DYSF: variants seen among roughly 807,000 people sequenced by gnomAD.
DYSF encodes the protein dysferlin.
DYSF carries 212 observed loss-of-function variants against 274.9 expected under a neutral mutation model. The observed-to-expected ratio is 0.77, with a 90% CI of 0.69 to 0.86. DYSF has a LOEUF of 0.86. Among genes scored for constraint, DYSF ranks in the 40% least tolerant of loss-of-function variants. The pLI, the probability that DYSF is intolerant of heterozygous loss-of-function variation, is 0.00. For synonymous variants in DYSF, 1,091 were observed against 1,078.7 expected, an observed-to-expected ratio of 1.01 and a Z score of -0.22; for missense variants, 2,666 against 2,783.2, an observed-to-expected ratio of 0.96 and a Z score of 0.95.
At chr2:71,483,585 AG>A (rs1370679452) in intron 3 of DYSF, among the ~76,000 whole-genome samples, 2 of 152,016 alleles carry the variant, frequency 1.3e-5, no homozygotes, top group Non-Finnish European at 2.9e-5. Flanking sequence ...AAGAATTGAG[AG>A]GGGGGTCTCC....
chr2:71,497,786 C>A (rs75691600), intron 3 of DYSF, among the ~76,000 whole-genome samples: 5,723 of 152,286 alleles, frequency 0.038, 117 homozygotes, highest in Middle Eastern at 0.075. Flanking sequence ...CAGATCAACT[C>A]GAAATTACAA....
intron 1 of DYSF, among the ~76,000 whole-genome samples, chr2:71,478,586 G>A (rs1476405484): frequency 3.9e-5 from 6 of 152,106 alleles, no homozygotes; most frequent in Non-Finnish European, 7.4e-5. Context: ...AGAATCACAG[G>A]AAATAAGTGT....
chr2:71,553,753 T>TCCCCCCCC, intron 20 of DYSF, 54 bp from the exon 21 acceptor site: 112 of 567,422 alleles, frequency 2.0e-4, no homozygotes, highest in South Asian at 4.3e-4. Flanking sequence ...TAGCACCCCA[T>TCCCCCCCC]CCCACCCGCC....
intron 24 of DYSF, 77 bp downstream of exon 24, chr2:71,564,290 C>T (rs1287531822): frequency 1.3e-6 from 2 of 1,583,884 alleles, no homozygotes; most frequent in Non-Finnish European, 1.7e-6. Flanking sequence ...TCTGTTTCCC[C>T]TCCTGTTCTT....
intron 30 of DYSF, among the ~76,000 whole-genome samples, chr2:71,584,080 C>T (rs567399900): frequency 6.6e-6 from 1 of 152,240 alleles, no homozygotes; most frequent in South Asian, 2.1e-4. Flanking sequence ...CCAGCCCCAG[C>T]CTGGGAGTTG....
chr2:71,656,371 C>G, intron 43 of DYSF, 81 bp downstream of exon 43: 1 of 1,592,170 alleles, frequency 6.3e-7, no homozygotes, highest in Non-Finnish European at 8.6e-7. Context: ...AGGGGTCGTA[C>G]CTACACTGGT....
intron 41 of DYSF, among the ~76,000 whole-genome samples, chr2:71,628,539 C>G (rs919960880): frequency 1.3e-5 from 2 of 151,892 alleles, no homozygotes; most frequent in East Asian, 1.9e-4. Context: ...TTTTTTCACC[C>G]TTATCTTGGA....
At chr2:71,457,363 G>GT in intron 1 of DYSF, among the ~76,000 whole-genome samples, 1 of 152,196 alleles carries the variant, frequency 6.6e-6, no homozygotes, top group East Asian at 1.9e-4. Flanking sequence ...TTATACACTG[G>GT]TAAGTAGTGG....
rs143957148 is a variant in DYSF at position 71,667,097 on chromosome 2, A to G, written c.5318-279A>G. ...AGGCTTTGGAGACAGGAGGATTTGT[A>G]TGGTGGAAAATAGGAATAAAAACTA... On this transcript the variant is annotated intron_variant, in intron 47 of 55. Transcript: ENST00000410020. Among the ~76,000 whole-genome samples, 499 of 152,290 alleles carry G rather than the reference A, an allele frequency of 3.3e-3. 4 individuals carry two copies. Among genetic ancestry groups the G allele is most frequent in the Non-Finnish European group, 4.8e-3 (326 of 68,014 alleles).
At position 71,466,787 on chromosome 2, in the gene DYSF, G is replaced by A; in HGVS notation, c.-56G>A. ...GCTTGCTGGGTGGGTGCTCGGGCCC[G>A]GTGCTCCCGCTCCCGCCCTGACTGC... On this transcript the variant is annotated 5_prime_UTR_variant, in exon 1 of 56. Coordinates refer to ENST00000410020, the MANE Select transcript of DYSF (RefSeq NM_001130987.2). 28 of 1,450,614 alleles carry A rather than the reference G, an allele frequency of 1.9e-5. No individual in the cohort carries two copies. Among genetic ancestry groups the A allele is most frequent in the Non-Finnish European group, 2.5e-5 (27 of 1,088,652 alleles). The allele number at this position is 1,450,614 out of a possible 1,614,324, so 89.9% of individuals were successfully genotyped here.
chr2:71,558,502 C>T (rs1187970123), intron 22 of DYSF, among the ~76,000 whole-genome samples: 3 of 152,186 alleles, frequency 2.0e-5, no homozygotes, highest in African/African-American at 7.2e-5. Context: ...TTGGCACCAC[C>T]TTGGGTGAGG....
intron 52 of DYSF, among the ~76,000 whole-genome samples, chr2:71,678,445 T>C (rs574428995): frequency 2.0e-5 from 3 of 152,154 alleles, no homozygotes; most frequent in African/African-American, 7.2e-5. Context: ...AGAACAAATA[T>C]TGTATGATTC....
chr2:71,478,243 A>G (rs559982774), intron 1 of DYSF, among the ~76,000 whole-genome samples: 32 of 144,978 alleles, frequency 2.2e-4, no homozygotes, highest in African/African-American at 3.3e-4. Context: ...GCAGAGTCTC[A>G]CTCTGTCGCC....
At chr2:71,620,848 T>C (rs1337655285) in intron 41 of DYSF, among the ~76,000 whole-genome samples, 1 of 152,016 alleles carries the variant, frequency 6.6e-6, no homozygotes, top group Middle Eastern at 3.2e-3. Flanking sequence ...CTTATTTACC[T>C]GTGTGAGGGC....
At chr2:71,573,235 C>G (rs1457862909) in intron 29 of DYSF, among the ~76,000 whole-genome samples, 1 of 152,214 alleles carries the variant, frequency 6.6e-6, no homozygotes, top group Non-Finnish European at 1.5e-5. Context: ...ACCAGCTGTT[C>G]CTGGTGCTGT....
chr2:71,515,852 G>A, intron 8 of DYSF, 101 bp downstream of exon 8: 2 of 1,534,872 alleles, frequency 1.3e-6, no homozygotes, highest in Non-Finnish European at 1.8e-6. Flanking sequence ...TTTACGTATG[G>A]CGCTGACCTT....
At chr2:71,576,649 C>T (rs555464396) in intron 30 of DYSF, among the ~76,000 whole-genome samples, 11 of 152,308 alleles carry the variant, frequency 7.2e-5, no homozygotes, top group South Asian at 6.2e-4. Flanking sequence ...ACAGAGCTGA[C>T]GGCTGCCTGC....
At chr2:71,511,068 G>A (rs2086037943) in intron 4 of DYSF, among the ~76,000 whole-genome samples, 1 of 152,344 alleles carries the variant, frequency 6.6e-6, no homozygotes, top group South Asian at 2.1e-4. Flanking sequence ...CCCGGGAGCA[G>A]CCAGGCTGCA....
intron 54 of DYSF, among the ~76,000 whole-genome samples, chr2:71,682,261 A>C (rs2095305798): frequency 6.6e-6 from 1 of 151,850 alleles, no homozygotes; most frequent in Admixed American, 6.5e-5. Context: ...TGTCCTGGAG[A>C]GGATGGCAGA....
Sources: allele counts gnomAD v4.1 joint callset (sites outside exome capture counted in the v4.1 genomes callset), GRCh38; gene constraint gnomAD v4.1.1; transcripts MANE v1.5; gene names NCBI Gene and HGNC (gene_info 2026-07-23, HGNC 2026-07-21).